Variants in TENM3 observed in about 807,000 individuals in gnomAD.
TENM3 encodes the protein teneurin-3.
Under a neutral mutation model 255.1 loss-of-function variants are expected in TENM3, and 63 were observed. The observed-to-expected ratio is 0.25, with a 90% CI of 0.20 to 0.30. TENM3 has a LOEUF of 0.30. Among genes scored for constraint, TENM3 ranks in the 10% least tolerant of loss-of-function variants. The pLI, the probability that TENM3 is intolerant of heterozygous loss-of-function variation, is 1.00. For missense variants in TENM3, 2,929 were observed against 3,461.1 expected (o/e 0.85, Z 3.86); for synonymous variants, 1,306 against 1,322.3 (o/e 0.99, Z 0.27).
At chr4:182,607,865 T>G (rs1433669673) in intron 4 of TENM3, among the ~76,000 whole-genome samples, 1 of 152,252 alleles carries the variant, frequency 6.6e-6, no homozygotes, top group Non-Finnish European at 1.5e-5. Context: ...TTAATTTTCA[T>G]GGTACCTGTA....
intron 16 of TENM3, among the ~76,000 whole-genome samples, chr4:182,732,066 C>T (rs952178429): frequency 6.6e-6 from 1 of 152,058 alleles, no homozygotes; most frequent in African/African-American, 2.4e-5. Flanking sequence ...CAGGTGTGAG[C>T]CACCGCACCC....
chr4:182,202,543 C>T lies in TENM3; in HGVS notation c.-76+57789C>T, dbSNP rs560652298. Among the ~76,000 whole-genome samples the T allele has an allele frequency of 2.2e-3, 328 of 152,054 alleles. 4 individuals are homozygous for T. The highest frequency in any genetic ancestry group is 7.3e-3 in the African/African-American group (303 of 41,490). On this transcript the variant is annotated intron_variant, in intron 1 of 2. Coordinates refer to the TENM3 transcript ENST00000512480. ...TGGTCTCGAACTCCTGACCTCAGGT[C>T]ATCCACCTGCCTCGGCCTCCCAAAG...
chr4:182,621,676 A>G (rs1581128574), intron 4 of TENM3, among the ~76,000 whole-genome samples: 1 of 64,974 alleles, frequency 1.5e-5, no homozygotes, highest in Non-Finnish European at 2.7e-5. Flanking sequence ...TATTATATAT[A>G]TAAAATATAT....
At chr4:181,670,390 T>C in the TENM3 span, among the ~76,000 whole-genome samples, 1 of 151,880 alleles carries the variant, frequency 6.6e-6, no homozygotes, top group Non-Finnish European at 1.5e-5. Context: ...GTGATACTGC[T>C]GTATTAATTC....
intron 3 of TENM3, among the ~76,000 whole-genome samples, chr4:182,393,163 T>G (rs1768555353): frequency 6.6e-6 from 1 of 152,222 alleles, no homozygotes; most frequent in Admixed American, 6.5e-5. Context: ...TTTACTTAAA[T>G]CTTTACATCT....
rs1764278277 is a variant in TENM3 at position 182,772,054 on chromosome 4, C to G, written c.4893-1418C>G. ...AGCTCATCACCGGGCACGGAACAGA[C>G]CTCCGTCCCTCGCCTTCCTCCTCTC... On this transcript the variant is annotated intron_variant, in intron 22 of 27. Transcript: ENST00000511685. Among the ~76,000 whole-genome samples, 5 of 152,252 alleles carry G rather than the reference C, an allele frequency of 3.3e-5. No individual in the cohort carries two copies. The South Asian group carries it at 1.0e-3, about 32-fold the overall frequency.
chr4:182,585,870 A>G (rs984547582), intron 3 of TENM3, among the ~76,000 whole-genome samples: 5 of 152,202 alleles, frequency 3.3e-5, no homozygotes, highest in African/African-American at 2.4e-5. Flanking sequence ...TTGAACCTTT[A>G]TGTTGAGAGG....
At chr4:181,950,597 A>G in the TENM3 span, among the ~76,000 whole-genome samples, 6 of 152,214 alleles carry the variant, frequency 3.9e-5, no homozygotes, top group Admixed American at 3.3e-4. Context: ...CACCCTGGAC[A>G]GTGCCCAAAA....
intron 3 of TENM3, among the ~76,000 whole-genome samples, chr4:182,568,996 A>G (rs541993465): frequency 6.6e-6 from 1 of 152,248 alleles, no homozygotes; most frequent in South Asian, 2.1e-4. Flanking sequence ...GGGGAGGAGG[A>G]AGGGAATTGT....
chr4:182,099,832 G>A, the TENM3 span, among the ~76,000 whole-genome samples: 4 of 152,094 alleles, frequency 2.6e-5, no homozygotes, highest in Admixed American at 2.0e-4. Context: ...AAGTTCTAAG[G>A]CGGTAGAATC....
At chr4:181,916,928 G>C in the TENM3 span, among the ~76,000 whole-genome samples, 2 of 152,002 alleles carry the variant, frequency 1.3e-5, no homozygotes, top group African/African-American at 2.4e-5. Context: ...TTATTGAATG[G>C]ATTATGTCTA....
intron 2 of TENM3, among the ~76,000 whole-genome samples, chr4:182,338,849 A>T (rs1263100715): frequency 6.6e-6 from 1 of 152,202 alleles, no homozygotes; most frequent in Non-Finnish European, 1.5e-5. Context: ...AAAGAGGAAG[A>T]TTTGAGAGCC....
At chr4:182,790,948 G>A (rs929356053) in intron 25 of TENM3, among the ~76,000 whole-genome samples, 2 of 152,120 alleles carry the variant, frequency 1.3e-5, no homozygotes, top group African/African-American at 4.8e-5. Flanking sequence ...AAAGACAACA[G>A]ACAGATCTTT....
chr4:182,652,917 T>C (rs1305532471), intron 5 of TENM3, among the ~76,000 whole-genome samples: 1 of 152,208 alleles, frequency 6.6e-6, no homozygotes, highest in Admixed American at 6.5e-5. Flanking sequence ...TTTAGTATAT[T>C]AGGTGAGTAT....
chr4:181,569,417 C>T, the TENM3 span, among the ~76,000 whole-genome samples: 1 of 152,148 alleles, frequency 6.6e-6, no homozygotes, highest in Non-Finnish European at 1.5e-5. Context: ...TTTGTGTGTA[C>T]ATTTTTATTT....
Position 182,471,392 on chromosome 4 carries a change from AC to A in TENM3, c.511+124465del, listed in dbSNP as rs201930235. ...ACGATCACTGAGTGTACTTACACAA[AC>A]CAAGATGGTATAGCCTACTGCATAC... is the stretch of plus-strand genomic sequence containing the variant. On this transcript the variant is annotated intron_variant, in intron 3 of 27. Transcript: ENST00000511685. Among the ~76,000 whole-genome samples, 248 of 152,306 alleles carry A rather than the reference AC, an allele frequency of 1.6e-3. 2 individuals are homozygous for A. In the East Asian group the frequency reaches 0.031, roughly 19 times the overall value.
intron 24 of TENM3, among the ~76,000 whole-genome samples, chr4:182,775,803 C>T (rs1309718516): frequency 6.6e-6 from 1 of 152,132 alleles, no homozygotes; most frequent in Admixed American, 6.6e-5. Flanking sequence ...TTATGGGTTC[C>T]AGATGAGGCT....
chr4:182,320,358 AGAAGAATCTG>A (rs1473089177), intron 1 of TENM3, among the ~76,000 whole-genome samples: 3 of 152,190 alleles, frequency 2.0e-5, no homozygotes, highest in African/African-American at 7.2e-5. Context: ...TGCGGTCCAG[AGAAGAATCTG>A]CTTCGCGCCT....
the TENM3 span, among the ~76,000 whole-genome samples, chr4:181,957,714 A>C: frequency 6.6e-6 from 1 of 152,152 alleles, no homozygotes; most frequent in Non-Finnish European, 1.5e-5. Context: ...CTAGTTTGCT[A>C]ACATCTGACA....
Sources: gnomAD v4.1 joint callset for allele counts (sites outside exome capture counted in the v4.1 genomes callset) on GRCh38, gnomAD v4.1.1 for gene constraint, MANE v1.5 for transcripts, NCBI Gene and HGNC (gene_info 2026-07-23, HGNC 2026-07-21) for gene names.